The following PARP10 variants were observed in gnomAD, a reference collection of about 807,000 sequenced individuals.
The protein encoded by PARP10 is poly(ADP-ribose) polymerase family member 10, also known as protein mono-ADP-ribosyltransferase PARP10.
A neutral mutation model predicts 82.4 loss-of-function variants in PARP10; 56 were observed. The ratio of observed to expected loss-of-function variants is 0.68; its 90% CI spans 0.55 to 0.85. The LOEUF (loss-of-function observed/expected upper bound fraction) is 0.85. Among genes scored for constraint, PARP10 ranks in the 40% least tolerant of loss-of-function variants. PARP10 has a pLI of 0.00. For synonymous variants in PARP10, 576 were observed against 601.1 expected, an observed-to-expected ratio of 0.96 and a Z score of 0.61; for missense variants, 1,227 against 1,379.4, an observed-to-expected ratio of 0.89 and a Z score of 1.75.
chr8:144,006,051 GC>G (rs1834234637), intron 1 of PARP10, among the ~76,000 whole-genome samples: 1 of 152,128 alleles, frequency 6.6e-6, no homozygotes, highest in Non-Finnish European at 1.5e-5. Context: ...AGATCCTAGG[GC>G]CCCCCTAACC....
chr8:143,992,205 G>A, upstream of PARP10: 2 of 1,601,774 alleles, frequency 1.2e-6, no homozygotes, highest in Non-Finnish European at 1.7e-6. Flanking sequence ...GGTGGCATGG[G>A]GGCACACACC....
In PARP10 at chr8:143,985,443, C is replaced by T; in HGVS notation, c.642G>A (p.Leu214=). 1 of 1,611,672 alleles carries T rather than the reference C, an allele frequency of 6.2e-7. No individual in the cohort carries two copies. Among genetic ancestry groups the T allele is most frequent in the Non-Finnish European group, 8.5e-7 (1 of 1,178,992 alleles). The change falls in exon 4 of 11, where the codon CTG becomes CTA. Residue 214 remains leucine (L), a synonymous_variant. Transcript: ENST00000313028. The part of the protein sequence containing the change: ...LEDLQRLPGP[L]GTVASFQQWQ... ...ACTGCTGGAAGGAGGCAACAGTGCC[C>T]AGGGGCCCGGGTAGGCGTTGCAGGT... is the stretch of plus-strand genomic sequence containing the variant.
At chr8:144,012,422 C>T in intron 1 of PARP10, 2 of 1,117,916 alleles carry the variant, frequency 1.8e-6, no homozygotes, top group Non-Finnish European at 2.6e-6. Context: ...GCAGACTCTG[C>T]ACCCTCCTTC....
upstream of PARP10, chr8:143,986,526 G>T (rs1281923389): frequency 4.1e-6 from 4 of 974,972 alleles, no homozygotes; most frequent in African/African-American, 4.9e-5. Flanking sequence ...GGGTACTGGG[G>T]CTCAGATGCT....
At chr8:143,994,828 C>G (rs1413917279), upstream of PARP10, among the ~76,000 whole-genome samples, 2 of 152,304 alleles carry the variant, frequency 1.3e-5, no homozygotes, top group African/African-American at 4.8e-5. Context: ...CCTCTGGGTG[C>G]CCGCCTGTGC....
Position 143,986,357 on chromosome 8 carries a change from C to A in PARP10, c.2+1G>T. 8 of 1,614,164 alleles carry A rather than the reference C, an allele frequency of 5.0e-6. No individual in the cohort carries two copies. The highest frequency in any genetic ancestry group is 6.8e-6 in the Non-Finnish European group (8 of 1,180,018). On this transcript the variant is annotated splice_donor_variant, in intron 1 of 10. Transcript: ENST00000313028. LOFTEE classifies it high-confidence loss of function. ...TGGGTGGCCCCACATACAGCACTTA[C>A]ATTCCCCGTGGCCGCTAGGCAGCCT...
At chr8:143,991,939 T>C (rs1564257735), upstream of PARP10, 1 of 1,613,848 alleles carries the variant, frequency 6.2e-7, no homozygotes, top group Non-Finnish European at 8.5e-7. Flanking sequence ...GTGTTCACTT[T>C]TGTTGCGGAG....
Position 143,983,365 on chromosome 8 carries a change from A to G in PARP10, c.2224T>C (p.Trp742Arg). ...VHVQEETVGP[W>R]RRTLPAELRA... ...AGCTCTGCAGGCAGTGTGCGGCGCC[A>G]GGGCCCCACCGTCTCCTCCTGGACG... The change falls in exon 8 of 11, where the codon TGG (tryptophan) becomes CGG (arginine). Residue 742 changes from tryptophan (W) to arginine (R), a missense_variant. Trp to Arg is a moderately radical substitution (Grantham distance 101, BLOSUM62 -3). Coordinates refer to ENST00000313028, the MANE Select transcript of PARP10 (RefSeq NM_032789.5). 2 of 1,606,956 alleles carry G rather than the reference A, an allele frequency of 1.2e-6. No individual in the cohort carries two copies. Among genetic ancestry groups the G allele is most frequent in the Middle Eastern group, 1.7e-4 (1 of 6,060 alleles).
At chr8:144,001,319 C>T (rs1564260922) in intron 1 of PARP10, among the ~76,000 whole-genome samples, 1 of 152,060 alleles carries the variant, frequency 6.6e-6, no homozygotes, top group African/African-American at 2.4e-5. Context: ...CAGCGACGCT[C>T]CTACCTCAGA....
Position 143,977,481 on chromosome 8 carries a change from C to G in PARP10, c.*3G>C, listed in dbSNP as rs145204512. The G allele has an allele frequency of 8.4e-6, 13 of 1,539,278 alleles. No individual in the cohort carries two copies. In the Admixed American group the frequency reaches 1.4e-4, roughly 16 times the overall value. Reference sequence around the variant, plus strand: ...GCAGGAGGCCAGAGGGTGGCCCCTTCGGTTAAGTGTCTGGGGAGCGGCCCG... The same window carrying G: ...GCAGGAGGCCAGAGGGTGGCCCCTTGGGTTAAGTGTCTGGGGAGCGGCCCG... On this transcript the variant is annotated 3_prime_UTR_variant, in exon 11 of 11. Coordinates refer to ENST00000313028, the MANE Select transcript of PARP10 (RefSeq NM_032789.5).
At position 143,977,787 on chromosome 8, in the gene PARP10, G is replaced by A; in HGVS notation, c.2775C>T (p.Ser925=). The A allele has an allele frequency of 6.2e-7, 1 of 1,603,040 alleles. No homozygotes were observed. Among genetic ancestry groups the A allele is most frequent in the Non-Finnish European group, 8.5e-7 (1 of 1,175,316 alleles). Residue 925 remains serine, a synonymous_variant, in exon 11 of 11, where the codon TCC becomes TCT. Coordinates refer to ENST00000313028, the MANE Select transcript of PARP10 (RefSeq NM_032789.5). ...GCGAGTAGCGGTCCTGCACCGACAG[G>A]GAGGCGCGCCTGGCGAAATACACGC... ...GKGVYFARRA[S]LSVQDRYSPP...
chr8:143,977,585 C>T lies in PARP10; in HGVS notation c.2977G>A (p.Asp993Asn). 3 of 1,579,030 alleles carry T rather than the reference C, an allele frequency of 1.9e-6. No homozygotes were observed. Among genetic ancestry groups the T allele is most frequent in the Non-Finnish European group, 2.6e-6 (3 of 1,162,982 alleles). The change falls in exon 11 of 11, where the codon GAC (aspartate) becomes AAC (asparagine). Residue 993 changes from aspartate (D) to asparagine (N), a missense_variant. Asp to Asn is a conservative substitution (Grantham distance 23). Transcript: ENST00000313028. ...CQPSIFVIFH[D>N]TQALPTHLIT... ...AGGTGGGTGGGCAGCGCCTGGGTGT[C>T]GTGGAAGATGACGAAGATGCTGGGC...
At chr8:144,000,054 C>A (rs910439331) in intron 1 of PARP10, among the ~76,000 whole-genome samples, 4 of 152,030 alleles carry the variant, frequency 2.6e-5, no homozygotes, top group African/African-American at 9.7e-5. Context: ...CATAATCTAC[C>A]AAGACTTGCA....
intron 1 of PARP10, among the ~76,000 whole-genome samples, chr8:143,997,057 C>T (rs1469713703): frequency 1.3e-5 from 2 of 152,166 alleles, no homozygotes; most frequent in East Asian, 3.9e-4. Flanking sequence ...CCCTCCTCCG[C>T]CAGGGCCCAG....
At chr8:143,995,996 G>A (rs917585185), upstream of PARP10, among the ~76,000 whole-genome samples, 1 of 152,084 alleles carries the variant, frequency 6.6e-6, no homozygotes, top group South Asian at 2.1e-4. Context: ...GCAGAATGAC[G>A]CCTGCTTCCT....
At chr8:143,986,474 G>C (rs74780385), upstream of PARP10, 25 of 1,560,416 alleles carry the variant, frequency 1.6e-5, no homozygotes, top group East Asian at 5.4e-4. Context: ...ACTGAAAGAC[G>C]GAAGGAGGGA....
In PARP10 at chr8:143,977,996, AC is replaced by A; in HGVS notation, c.2641del (p.Val881TrpfsTer69). On this transcript the variant is annotated frameshift_variant, in exon 10 of 11. Coordinates refer to ENST00000313028, the MANE Select transcript of PARP10 (RefSeq NM_032789.5). LOFTEE classifies it high-confidence loss of function. Reference sequence around the variant, plus strand: ...CGTGCCGTGGTACAGCACCTGCTCCACCGGGCGCCGCTCGCATCGCTGCAGC... The same window carrying A: ...CGTGCCGTGGTACAGCACCTGCTCCACGGGCGCCGCTCGCATCGCTGCAGC... ...RLLQRCERRP[V>X]EQVLYHGTTA... The A allele has an allele frequency of 6.3e-7, 1 of 1,592,282 alleles. No homozygotes were observed. The highest frequency in any genetic ancestry group is 8.5e-7 in the Non-Finnish European group (1 of 1,175,542).
At chr8:143,992,247 G>A (rs150522299), upstream of PARP10, 203 of 1,602,966 alleles carry the variant, frequency 1.3e-4, no homozygotes, top group African/African-American at 4.1e-4. Flanking sequence ...AACTGCAGTC[G>A]GTCCTGACCG....
chr8:143,994,024 G>A (rs889062294), upstream of PARP10, among the ~76,000 whole-genome samples: 9 of 152,206 alleles, frequency 5.9e-5, no homozygotes, highest in Non-Finnish European at 8.8e-5. Flanking sequence ...CCTGCAGGGG[G>A]TCCCTCCATT....
Sources: gnomAD v4.1 joint callset for allele counts (sites outside exome capture counted in the v4.1 genomes callset) on GRCh38, gnomAD v4.1.1 for gene constraint, MANE v1.5 for transcripts, NCBI Gene and HGNC (gene_info 2026-07-23, HGNC 2026-07-21) for gene names.